MDN1: variants seen among roughly 807,000 people sequenced by gnomAD.
MDN1 encodes the protein midasin.
In MDN1, 266 loss-of-function variants were observed where a neutral mutation model predicts 669.2. The ratio of observed to expected loss-of-function variants is 0.40; its 90% confidence interval spans 0.36 to 0.44. The LOEUF is 0.44. MDN1 is among the 20% of genes least tolerant of loss of function. The probability of loss-of-function intolerance (pLI) is 1.00; values close to 1 mark genes in which losing one functional copy is unlikely to be tolerated. For missense variants in MDN1, 5,940 were observed against 6,754.0 expected, an observed-to-expected ratio of 0.88 and a Z score of 4.22; for synonymous variants, 2,385 against 2,457.1, an observed-to-expected ratio of 0.97 and a Z score of 0.87.
chr6:89,784,240 C>T (rs967957853), intron 9 of MDN1, among the ~76,000 whole-genome samples: 1 of 151,942 alleles, frequency 6.6e-6, no homozygotes, highest in African/African-American at 2.4e-5. Flanking sequence ...TTGCTTGAAC[C>T]AGGAGGCAGA....
rs550941360 is a variant in MDN1 at position 89,811,711 on chromosome 6, T to C, written c.102+7795A>G. Among the ~76,000 whole-genome samples, 9 of 152,204 alleles carry C rather than the reference T, an allele frequency of 5.9e-5. No homozygotes were observed. In the East Asian group the frequency reaches 1.7e-3, roughly 30 times the overall value. ...TGCCCACCTCAGCCTCCCAAAGTGCTGGGATTATAGGTGTGAGCCACCGCA... is the reference window on the plus strand; with the variant it reads ...TGCCCACCTCAGCCTCCCAAAGTGCCGGGATTATAGGTGTGAGCCACCGCA... On this transcript the variant is annotated intron_variant, in intron 1 of 101. Transcript: ENST00000369393.
In MDN1 at chr6:89,794,595, T is replaced by C; in HGVS notation, c.536A>G (p.His179Arg). 6.2e-7 allele frequency: 1 copy of C among 1,613,244 alleles called. No homozygotes were observed. Among genetic ancestry groups the C allele is most frequent in the East Asian group, 2.2e-5 (1 of 44,892 alleles). ...TACGCACCAGCGAACCAAGGTGTCA[T>C]GGCTTCTGAGGAGAGGGACACACAC... ...WSVCVPLLRS[H>R]DTLVRWYTAN... The change falls in exon 3 of 102, where the codon CAT becomes CGT. Residue 179 changes from histidine (H) to arginine (R), a missense_variant. Transcript: ENST00000369393.
chr6:89,809,922 T>A (rs1011049398), intron 1 of MDN1, among the ~76,000 whole-genome samples: 1 of 133,712 alleles, frequency 7.5e-6, no homozygotes, highest in Admixed American at 9.0e-5. Flanking sequence ...GCCTGGAAGG[T>A]AGAGGCTGCA....
intron 2 of MDN1, chr6:89,797,683 C>A (rs1819680946): frequency 8.4e-6 from 4 of 476,296 alleles, no homozygotes; most frequent in South Asian, 1.6e-5. Context: ...CAAAGTCTAC[C>A]AAAATCTGCC....
chr6:89,816,612 T>G (rs1327985941), intron 1 of MDN1, among the ~76,000 whole-genome samples: 3 of 151,504 alleles, frequency 2.0e-5, no homozygotes, highest in Non-Finnish European at 4.4e-5. Context: ...CTGTTCTCTC[T>G]GAAACCTGTT....
In MDN1 at chr6:89,674,170, A is replaced by G. The variant is rs375358118; in HGVS notation, c.13181T>C (p.Ile4394Thr). The change falls in exon 79 of 102, where the codon ATT (isoleucine) becomes ACT (threonine). Residue 4394 changes from isoleucine (I) to threonine (T), a missense_variant. Physicochemically the swap from Ile to Thr is moderately conservative, Grantham distance 89. Coordinates refer to ENST00000369393, the MANE Select transcript of MDN1 (RefSeq NM_014611.3). ...GTCGACGTCAGCTTTCACTGTTTTA[A>G]TGGTTTTTAGCATCTCTGTTAATCT... ...TTRLTEMLKT[I>T]KTVKADVDKI... 8 of 1,614,068 alleles carry G rather than the reference A, an allele frequency of 5.0e-6. No homozygotes were observed. In the African/African-American group the frequency reaches 9.3e-5, roughly 19 times the overall value.
chr6:89,713,424 A>C, intron 46 of MDN1, 128 bp from the exon 47 acceptor site: 1 of 830,344 alleles, frequency 1.2e-6, no homozygotes. Flanking sequence ...TTTACAAAAC[A>C]TTCCAAGTAG....
At chr6:89,771,445 CTT>C (rs1419103742) in intron 15 of MDN1, 114 bp downstream of exon 15, 11 of 876,858 alleles carry the variant, frequency 1.3e-5, no homozygotes, top group Non-Finnish European at 1.9e-5. Context: ...TGAGAAAACT[CTT>C]TTTCTATTGC....
At chr6:89,764,885 GAGA>G (rs1201432710) in intron 15 of MDN1, among the ~76,000 whole-genome samples, 3 of 152,194 alleles carry the variant, frequency 2.0e-5, no homozygotes, top group African/African-American at 7.2e-5. Flanking sequence ...TAAATGGACT[GAGA>G]AGTTCAGTGG....
intron 15 of MDN1, among the ~76,000 whole-genome samples, chr6:89,762,891 C>CA (rs1248709427): frequency 6.6e-6 from 1 of 151,718 alleles, no homozygotes; most frequent in Non-Finnish European, 1.5e-5. Context: ...CCTGTTTCTA[C>CA]AAAAAAATAC....
chr6:89,785,426 T>G (rs1288033681), intron 8 of MDN1, among the ~76,000 whole-genome samples: 1 of 152,206 alleles, frequency 6.6e-6, no homozygotes, highest in Non-Finnish European at 1.5e-5. Context: ...TTCCTCTTCC[T>G]TAAGGCATAA....
intron 5 of MDN1, among the ~76,000 whole-genome samples, chr6:89,791,953 C>T (rs1819292498): frequency 1.3e-5 from 2 of 149,506 alleles, no homozygotes; most frequent in African/African-American, 5.0e-5. Context: ...CTGAAAGCTC[C>T]GCCTCCCGGG....
At chr6:89,671,114 A>G (rs1223291117) in intron 82 of MDN1, 34 bp from the exon 83 acceptor site, 1 of 1,599,268 alleles carries the variant, frequency 6.3e-7, no homozygotes, top group Non-Finnish European at 8.5e-7. Context: ...GCCTGCTCAC[A>G]CTGCTTGGCA....
At chr6:89,644,937 G>C (rs1808390729) in intron 101 of MDN1, 78 bp downstream of exon 101, 2 of 1,438,514 alleles carry the variant, frequency 1.4e-6, no homozygotes, top group South Asian at 1.4e-5. Context: ...GAGTGATCCA[G>C]GCCATATTTC....
At chr6:89,677,130 C>G (rs961598152) in intron 76 of MDN1, among the ~76,000 whole-genome samples, 1 of 151,640 alleles carries the variant, frequency 6.6e-6, no homozygotes, top group East Asian at 1.9e-4. Flanking sequence ...CTTACTTTGC[C>G]GCCCAGGCTG....
chr6:89,671,780 T>C (rs986571188), intron 82 of MDN1, among the ~76,000 whole-genome samples: 1 of 152,266 alleles, frequency 6.6e-6, no homozygotes, highest in African/African-American at 2.4e-5. Flanking sequence ...TACAATGTCC[T>C]GCAAAGTAAG....
At chr6:89,648,442 T>A in intron 97 of MDN1, 113 bp from the exon 98 acceptor site, 1 of 953,720 alleles carries the variant, frequency 1.0e-6, no homozygotes, top group Non-Finnish European at 1.6e-6. Context: ...GTTTGGCAAG[T>A]AGAGGAATAA....
chr6:89,791,193 T>A (rs183237321), intron 5 of MDN1, among the ~76,000 whole-genome samples: 4 of 152,298 alleles, frequency 2.6e-5, no homozygotes, highest in African/African-American at 9.6e-5. Context: ...AAAAAGCTGA[T>A]GCACAAAGGT....
At chr6:89,763,587 T>A (rs1470828816) in intron 15 of MDN1, among the ~76,000 whole-genome samples, 1 of 152,186 alleles carries the variant, frequency 6.6e-6, no homozygotes, top group African/African-American at 2.4e-5. Flanking sequence ...TAGAAAATCT[T>A]AAGTACCCAA....
Sources: gnomAD v4.1 joint callset for allele counts (sites outside exome capture counted in the v4.1 genomes callset) on GRCh38, gnomAD v4.1.1 for gene constraint, MANE v1.5 for transcripts, NCBI Gene and HGNC (gene_info 2026-07-23, HGNC 2026-07-21) for gene names.